The following TOX variants were observed in gnomAD, a reference collection of about 807,000 sequenced individuals.
TOX encodes thymocyte selection-associated high mobility group box protein TOX.
TOX carries 11 observed loss-of-function variants against 53.7 expected under a neutral mutation model. The ratio of observed to expected loss-of-function variants is 0.20; its 90% confidence interval spans 0.13 to 0.34. The LOEUF is 0.34. TOX is among the 10% of genes least tolerant of loss of function. The pLI, the probability that TOX is intolerant of heterozygous loss-of-function variation, is 1.00. For missense variants in TOX, 570 were observed against 664.6 expected (o/e 0.86, Z 1.56); for synonymous variants, 225 against 245.3 (o/e 0.92, Z 0.77).
intron 1 of TOX, among the ~76,000 whole-genome samples, chr8:59,112,821 G>T (rs1805039468): frequency 6.6e-6 from 1 of 152,090 alleles, no homozygotes; most frequent in African/African-American, 2.4e-5. Context: ...TCTGATAAAA[G>T]TATGAATTTT....
chr8:58,883,575 G>C (rs914599922), intron 3 of TOX, among the ~76,000 whole-genome samples: 43 of 152,176 alleles, frequency 2.8e-4, no homozygotes, highest in African/African-American at 9.2e-4. Flanking sequence ...CCAAAGCTTT[G>C]ATTAATAGTG....
intron 1 of TOX, among the ~76,000 whole-genome samples, chr8:59,047,217 T>G (rs1293254979): frequency 8.7e-6 from 1 of 115,198 alleles, no homozygotes; most frequent in South Asian, 3.6e-4. Context: ...TTTTTTTTTT[T>G]TTTTTTTTTT....
chr8:59,037,601 A>C (rs1162982539), intron 1 of TOX, among the ~76,000 whole-genome samples: 1 of 152,130 alleles, frequency 6.6e-6, no homozygotes, highest in Non-Finnish European at 1.5e-5. Context: ...CAGGAGTCTG[A>C]AACCAGCCTG....
intron 1 of TOX, among the ~76,000 whole-genome samples, chr8:59,092,592 G>C (rs75856029): frequency 0.015 from 2,306 of 151,610 alleles, 20 homozygotes; most frequent in Non-Finnish European, 0.023. Flanking sequence ...GCTCTTTAAC[G>C]TAACTCAAGA....
At chr8:59,021,666 G>T (rs1355810570) in intron 1 of TOX, among the ~76,000 whole-genome samples, 3 of 151,658 alleles carry the variant, frequency 2.0e-5, no homozygotes, top group Non-Finnish European at 2.9e-5. Context: ...CTCGAATAGT[G>T]AAATAGTTCT....
intron 1 of TOX, among the ~76,000 whole-genome samples, chr8:59,045,099 G>T (rs1311730907): frequency 6.6e-6 from 1 of 151,604 alleles, no homozygotes; most frequent in East Asian, 1.9e-4. Flanking sequence ...GCCTTTCTTG[G>T]GTGAAAATTA....
chr8:58,870,872 T>C (rs1317650069), intron 3 of TOX, among the ~76,000 whole-genome samples: 1 of 152,030 alleles, frequency 6.6e-6, no homozygotes, highest in African/African-American at 2.4e-5. Flanking sequence ...AATAAAAAAG[T>C]AGAGTAGGAT....
intron 1 of TOX, among the ~76,000 whole-genome samples, chr8:59,035,320 A>G (rs547642318): frequency 5.4e-4 from 82 of 152,350 alleles, no homozygotes; most frequent in African/African-American, 1.8e-3. Flanking sequence ...AATGCAAGTT[A>G]TGGTGACTAC....
At chr8:58,921,624 A>T (rs1442925591) in intron 3 of TOX, among the ~76,000 whole-genome samples, 1 of 152,206 alleles carries the variant, frequency 6.6e-6, no homozygotes, top group Non-Finnish European at 1.5e-5. Flanking sequence ...AGAGGCAGAA[A>T]TAAGAAAGAA....
At chr8:58,913,824 A>G (rs1221047773) in intron 3 of TOX, among the ~76,000 whole-genome samples, 1 of 152,124 alleles carries the variant, frequency 6.6e-6, no homozygotes, top group African/African-American at 2.4e-5. Flanking sequence ...CTTGAAAAAA[A>G]GAACAATTTG....
chr8:58,925,035 T>G (rs1171256257), intron 3 of TOX, among the ~76,000 whole-genome samples: 1 of 152,202 alleles, frequency 6.6e-6, no homozygotes. Flanking sequence ...CACATGGAGA[T>G]GCACCTCGTG....
intron 1 of TOX, among the ~76,000 whole-genome samples, chr8:59,023,312 C>T (rs998061906): frequency 6.6e-6 from 1 of 152,216 alleles, no homozygotes; most frequent in African/African-American, 2.4e-5. Context: ...TTGCATGCAC[C>T]TTTCACACTC....
chr8:58,959,043 A>G (rs1812756240), intron 2 of TOX, among the ~76,000 whole-genome samples: 1 of 152,256 alleles, frequency 6.6e-6, no homozygotes, highest in African/African-American at 2.4e-5. Context: ...GAACATTACT[A>G]AGAGGTTATT....
At chr8:59,043,116 A>G (rs1803621915) in intron 1 of TOX, among the ~76,000 whole-genome samples, 1 of 152,006 alleles carries the variant, frequency 6.6e-6, no homozygotes, top group African/African-American at 2.4e-5. Context: ...GCCTCCGGTA[A>G]TCACCTTTCT....
intron 5 of TOX, among the ~76,000 whole-genome samples, chr8:58,828,646 A>C (rs1810401910): frequency 1.3e-5 from 2 of 152,182 alleles, no homozygotes; most frequent in Non-Finnish European, 2.9e-5. Flanking sequence ...GCCTTTGAAC[A>C]GTGTGATCTG....
intron 3 of TOX, among the ~76,000 whole-genome samples, chr8:58,924,225 A>G (rs1258904208): frequency 6.6e-6 from 1 of 152,246 alleles, no homozygotes; most frequent in Non-Finnish European, 1.5e-5. Context: ...TTTAGTATTC[A>G]GGTAAACACC....
intron 1 of TOX, among the ~76,000 whole-genome samples, chr8:59,007,606 A>G (rs2129418521): frequency 6.6e-6 from 1 of 152,348 alleles, no homozygotes; most frequent in African/African-American, 2.4e-5. Context: ...GTAAGAAGGA[A>G]ATCTATTGTT....
intron 6 of TOX, 100 bp from the exon 7 acceptor site, chr8:58,815,824 C>G: frequency 7.4e-7 from 1 of 1,346,156 alleles, no homozygotes; most frequent in Non-Finnish European, 1.0e-6. Flanking sequence ...TCCCTGGAAT[C>G]CATACCCATG....
chr8:59,090,867 G>C (rs1804596590), intron 1 of TOX, among the ~76,000 whole-genome samples: 1 of 152,118 alleles, frequency 6.6e-6, no homozygotes, highest in African/African-American at 2.4e-5. Flanking sequence ...ACCACCTTCT[G>C]CATGTGTCCT....
Sources: allele counts gnomAD v4.1 joint callset (sites outside exome capture counted in the v4.1 genomes callset), GRCh38; gene constraint gnomAD v4.1.1; transcripts MANE v1.5; gene names NCBI Gene and HGNC (gene_info 2026-07-23, HGNC 2026-07-21).